Variants in ANKS1B observed in about 807,000 individuals in gnomAD.
ANKS1B encodes ankyrin repeat and sterile alpha motif domain-containing protein 1B.
ANKS1B carries 36 observed loss-of-function variants against 148.3 expected under a neutral mutation model. The ratio of observed to expected loss-of-function variants is 0.24; its 90% CI spans 0.19 to 0.32. The LOEUF is 0.32. ANKS1B is among the 10% of genes least tolerant of loss of function. The probability of loss-of-function intolerance (pLI) is 1.00; values close to 1 mark genes in which losing one functional copy is unlikely to be tolerated. For missense variants in ANKS1B, 1,157 were observed against 1,542.6 expected (o/e 0.75, Z 4.19); for synonymous variants, 542 against 560.8 (o/e 0.97, Z 0.47).
intron 26 of ANKS1B, among the ~76,000 whole-genome samples, chr12:98,746,786 G>C (rs2153370831): frequency 6.6e-6 from 1 of 152,336 alleles, no homozygotes; most frequent in Middle Eastern, 3.4e-3. Flanking sequence ...CGAAGGACCA[G>C]CAAGTATTTG....
At chr12:99,843,201 C>A (rs1445862171) in intron 1 of ANKS1B, among the ~76,000 whole-genome samples, 2 of 152,044 alleles carry the variant, frequency 1.3e-5, no homozygotes, top group African/African-American at 4.8e-5. Context: ...TTTAGGTTTT[C>A]TAATTTGTTG....
At chr12:99,708,424 A>C (rs1362315233) in intron 8 of ANKS1B, among the ~76,000 whole-genome samples, 1 of 152,148 alleles carries the variant, frequency 6.6e-6, no homozygotes, top group Non-Finnish European at 1.5e-5. Context: ...GGCTTAAAAC[A>C]ATACAAATGC....
intron 11 of ANKS1B, among the ~76,000 whole-genome samples, chr12:99,428,660 A>G (rs2095308241): frequency 6.6e-6 from 1 of 152,216 alleles, no homozygotes; most frequent in Admixed American, 6.5e-5. Flanking sequence ...GTGCATACGT[A>G]TATGTACGTA....
At chr12:99,704,747 C>T (rs953875953) in intron 8 of ANKS1B, among the ~76,000 whole-genome samples, 1 of 152,042 alleles carries the variant, frequency 6.6e-6, no homozygotes, top group African/African-American at 2.4e-5. Context: ...TATAATAGTT[C>T]TCTAGCTAAA....
At chr12:99,722,040 C>A (rs550812919) in intron 8 of ANKS1B, among the ~76,000 whole-genome samples, 1 of 152,270 alleles carries the variant, frequency 6.6e-6, no homozygotes, top group Admixed American at 6.5e-5. Flanking sequence ...TCTATGAAGG[C>A]TGAGAGAGGC....
At chr12:99,569,217 T>G (rs1443040264) in intron 9 of ANKS1B, among the ~76,000 whole-genome samples, 6 of 152,154 alleles carry the variant, frequency 3.9e-5, no homozygotes, top group Non-Finnish European at 8.8e-5. Flanking sequence ...AAAAACAAAT[T>G]TAGAAGAATA....
intron 17 of ANKS1B, among the ~76,000 whole-genome samples, chr12:98,840,343 G>T (rs528932399): frequency 7.2e-5 from 11 of 152,080 alleles, no homozygotes; most frequent in African/African-American, 2.4e-4. Context: ...TTTTCCTTCT[G>T]CTATTACTTT....
intron 9 of ANKS1B, among the ~76,000 whole-genome samples, chr12:99,560,548 A>G (rs1348758896): frequency 6.6e-6 from 1 of 152,230 alleles, no homozygotes; most frequent in Non-Finnish European, 1.5e-5. Flanking sequence ...TGAAGCTAAT[A>G]TCACAATAAA....
chr12:99,071,750 T>A (rs1242227895), intron 16 of ANKS1B, among the ~76,000 whole-genome samples: 1 of 151,728 alleles, frequency 6.6e-6, no homozygotes. Flanking sequence ...CGGGTTCAAG[T>A]GATTCTCCCG....
chr12:98,948,992 G>A (rs12830809), intron 17 of ANKS1B, among the ~76,000 whole-genome samples: 41 of 117,364 alleles, frequency 3.5e-4, no homozygotes, highest in African/African-American at 1.3e-3. Context: ...TTGCTCTGTC[G>A]CCCAGGCTGG....
At chr12:99,452,121 G>A (rs1268954463) in intron 10 of ANKS1B, among the ~76,000 whole-genome samples, 1 of 152,064 alleles carries the variant, frequency 6.6e-6, no homozygotes, top group Non-Finnish European at 1.5e-5. Context: ...AAGGCTACAT[G>A]ATCTTTGTTG....
chr12:99,262,918 C>G lies in ANKS1B; in HGVS notation c.1757-16054G>C, dbSNP rs554027930. On this transcript the variant is annotated intron_variant, in intron 12 of 26. Transcript: ENST00000683438. ...GTCATTACTTTTATGTTACCGAAAT[C>G]ATCTTCGGACCTGTTTTCTCTGTTT... Among the ~76,000 whole-genome samples the G allele has an allele frequency of 8.6e-5, 13 of 152,010 alleles. No individual in the cohort carries two copies. The South Asian group carries it at 2.7e-3, about 32-fold the overall frequency.
chr12:99,841,271 T>C lies in ANKS1B; in HGVS notation c.135-15882A>G, dbSNP rs149816253. ...TGGCTCTTGTGGTTTGTTAAATTTATTTAGGATATCTTTCACGATGGTCAT... is the reference window on the plus strand; with the variant it reads ...TGGCTCTTGTGGTTTGTTAAATTTACTTAGGATATCTTTCACGATGGTCAT... On this transcript the variant is annotated intron_variant, in intron 1 of 26. Transcript: ENST00000683438. Among the ~76,000 whole-genome samples, 56 of 152,172 alleles carry C rather than the reference T, an allele frequency of 3.7e-4. No homozygotes were observed. The East Asian group carries it at 6.2e-3, about 17-fold the overall frequency.
At chr12:99,929,012 T>C (rs1472481364) in intron 1 of ANKS1B, among the ~76,000 whole-genome samples, 2 of 152,224 alleles carry the variant, frequency 1.3e-5, no homozygotes, top group Non-Finnish European at 1.5e-5. Flanking sequence ...GCTCACAGAT[T>C]GGAAAGGTTA....
intron 1 of ANKS1B, among the ~76,000 whole-genome samples, chr12:99,979,633 C>T (rs1001181548): frequency 3.9e-5 from 6 of 151,964 alleles, no homozygotes; most frequent in Admixed American, 1.3e-4. Context: ...TTTGCCAATA[C>T]TAGGAATTAC....
intron 17 of ANKS1B, among the ~76,000 whole-genome samples, chr12:98,966,809 T>C (rs1432026509): frequency 6.8e-6 from 1 of 146,064 alleles, no homozygotes; most frequent in African/African-American, 2.6e-5. Context: ...AAACACCGCA[T>C]GTTCTCACTC....
intron 11 of ANKS1B, among the ~76,000 whole-genome samples, chr12:99,434,516 A>T (rs992200013): frequency 1.3e-5 from 2 of 152,118 alleles, no homozygotes; most frequent in African/African-American, 4.8e-5. Flanking sequence ...AATAATGAAC[A>T]TCCTTGAACA....
intron 17 of ANKS1B, among the ~76,000 whole-genome samples, chr12:99,006,969 A>C (rs2099936513): frequency 6.6e-6 from 1 of 152,216 alleles, no homozygotes. Flanking sequence ...TAACTATTAA[A>C]TAAGCTATGC....
At chr12:99,887,691 G>A (rs920087197) in intron 1 of ANKS1B, among the ~76,000 whole-genome samples, 10 of 152,272 alleles carry the variant, frequency 6.6e-5, no homozygotes, top group East Asian at 1.9e-4. Flanking sequence ...GTACTAGTAC[G>A]AGGTTAAATA....
Sources: allele counts gnomAD v4.1 joint callset (sites outside exome capture counted in the v4.1 genomes callset), GRCh38; gene constraint gnomAD v4.1.1; transcripts MANE v1.5; gene names NCBI Gene and HGNC (gene_info 2026-07-23, HGNC 2026-07-21).